B3GNT3: variants seen among roughly 807,000 people sequenced by gnomAD.
B3GNT3 encodes UDP-GlcNAc:betaGal beta-1,3-N-acetylglucosaminyltransferase 3, also known as N-acetyllactosaminide beta-1,3-N-acetylglucosaminyltransferase 3.
A neutral mutation model predicts 11.6 loss-of-function variants in B3GNT3; 7 were observed. That is an observed-to-expected ratio of 0.60 (90% confidence interval 0.34 to 1.13). B3GNT3 has a LOEUF of 1.13. B3GNT3 is among the 50% of genes most tolerant of loss of function. The probability of loss-of-function intolerance (pLI) is 0.03; values close to 1 mark genes in which losing one functional copy is unlikely to be tolerated. For synonymous variants in B3GNT3, 201 were observed against 222.1 expected (o/e 0.90, Z 0.85); for missense variants, 400 against 507.4 (o/e 0.79, Z 2.03).
intron 1 of B3GNT3, among the ~76,000 whole-genome samples, chr19:17,799,505 T>C (rs948251780): frequency 1.6e-4 from 25 of 151,964 alleles, no homozygotes; most frequent in Non-Finnish European, 2.9e-4. Context: ...CCTGACCTCA[T>C]GATTCGCCCG....
At chr19:17,805,651 T>G (rs560800874) in intron 1 of B3GNT3, among the ~76,000 whole-genome samples, 1 of 152,234 alleles carries the variant, frequency 6.6e-6, no homozygotes, top group South Asian at 2.1e-4. Flanking sequence ...TTGCACATGC[T>G]CCACTCTGTC....
At chr19:17,795,479 G>T (rs2094158486) in intron 1 of B3GNT3, among the ~76,000 whole-genome samples, 1 of 152,218 alleles carries the variant, frequency 6.6e-6, no homozygotes, top group Admixed American at 6.5e-5. Context: ...TCCCAGATTG[G>T]GCGGGATCAG....
At chr19:17,799,681 C>T (rs962040464) in intron 1 of B3GNT3, among the ~76,000 whole-genome samples, 22 of 152,156 alleles carry the variant, frequency 1.4e-4, no homozygotes, top group African/African-American at 5.1e-4. Flanking sequence ...CAACGGCTGT[C>T]GGGGGTCCCC....
At chr19:17,803,302 G>A (rs1472720926) in intron 1 of B3GNT3, among the ~76,000 whole-genome samples, 8 of 152,280 alleles carry the variant, frequency 5.3e-5, no homozygotes, top group East Asian at 3.9e-4. Flanking sequence ...CACAGCTCCC[G>A]GCCATGTTTA....
chr19:17,804,240 CTTTTTTTTTTT>C, intron 1 of B3GNT3, among the ~76,000 whole-genome samples: 1 of 112,188 alleles, frequency 8.9e-6, no homozygotes, highest in South Asian at 2.8e-4. Context: ...TCTTTTTTTT[CTTTTTTTTTTT>C]TTTTTTGAGA....
chr19:17,806,615 C>T (rs547436349), intron 1 of B3GNT3, among the ~76,000 whole-genome samples: 12 of 152,130 alleles, frequency 7.9e-5, no homozygotes, highest in Admixed American at 7.2e-4. Context: ...TCCCAGTGAC[C>T]CCGAGTTGAG....
At chr19:17,796,965 G>T (rs2094160184) in intron 1 of B3GNT3, among the ~76,000 whole-genome samples, 2 of 152,148 alleles carry the variant, frequency 1.3e-5, no homozygotes, top group South Asian at 4.1e-4. Context: ...AATCTGGCTT[G>T]CCTTGATTGC....
At chr19:17,801,897 G>T (rs953054606) in intron 1 of B3GNT3, among the ~76,000 whole-genome samples, 1 of 152,154 alleles carries the variant, frequency 6.6e-6, no homozygotes, top group African/African-American at 2.4e-5. Context: ...AGACTAGCCT[G>T]CCCAACATGG....
At position 17,807,967 on chromosome 19, in the gene B3GNT3, AC is replaced by A. The variant is rs773940153; in HGVS notation, c.163del (p.Arg55AlafsTer58). On this transcript the variant is annotated frameshift_variant, in exon 2 of 3. Coordinates refer to ENST00000318683, the MANE Select transcript of B3GNT3 (RefSeq NM_014256.4). LOFTEE classifies it high-confidence loss of function. Reference sequence around the variant, plus strand: ...GGCCCTGGCCTGGCCCACTCCACCCACCCGCCCAGCCCCGGCCCCGTGCCAT... The same window carrying A: ...GGCCCTGGCCTGGCCCACTCCACCCACCGCCCAGCCCCGGCCCCGTGCCAT... ...PEALAWPTPP[T>X]RPAPAPCHAN... 1.4e-6 allele frequency: 1 copy of A among 737,834 alleles called. No individual in the cohort carries two copies. Among genetic ancestry groups the A allele is most frequent in the Admixed American group, 3.4e-5 (1 of 29,526 alleles). 45.7% of individuals were successfully genotyped at this position (737,834 alleles called of 1,614,324 possible).
Position 17,807,922 on chromosome 19 carries a change from C to G in B3GNT3, c.115C>G (p.Gln39Glu), listed in dbSNP as rs1415654940. Reference protein sequence around the residue: ...VSPPTCKVQEQPPAIPEALAW... With the variant: ...VSPPTCKVQEEPPAIPEALAW... ...ACCACCCACCTGCAAGGTCCAGGAG[C>G]AGCCACCGGCGATCCCCGAGGCCCT... is the stretch of plus-strand genomic sequence containing the variant. The change falls in exon 2 of 3, where the codon CAG becomes GAG. Residue 39 changes from glutamine to glutamate, a missense_variant. By Grantham distance (29) the Gln-to-Glu change is conservative. Transcript: ENST00000318683. The G allele has an allele frequency of 6.2e-7, 1 of 1,613,494 alleles. No individual in the cohort carries two copies. Among genetic ancestry groups the G allele is most frequent in the Non-Finnish European group, 8.5e-7 (1 of 1,179,940 alleles).
rs1213437485 is a variant in B3GNT3, at chr19:17,811,553, T to C, written c.568-18T>C. ...CTCCAGCCCTCAAGCAAGCATGCCCTGTCCACCCTGCCTGCAGGTCCTGTT... is the reference window on the plus strand; with the variant it reads ...CTCCAGCCCTCAAGCAAGCATGCCCCGTCCACCCTGCCTGCAGGTCCTGTT... On this transcript the variant is annotated intron_variant, in intron 2 of 2. Coordinates refer to ENST00000318683, the MANE Select transcript of B3GNT3 (RefSeq NM_014256.4). The surrounding 1 kb of genome is among the most constrained non-coding windows in gnomAD (Gnocchi z 4.1). 1.3e-6 allele frequency: 2 copies of C among 1,598,408 alleles called. No individual in the cohort carries two copies. The highest frequency in any genetic ancestry group is 1.7e-6 in the Non-Finnish European group (2 of 1,170,976).
chr19:17,812,803 C>T lies in B3GNT3; in HGVS notation c.*681C>T, dbSNP rs1378276309. 6.6e-6 allele frequency: 1 copy of T among 152,370 alleles called. No individual in the cohort carries two copies. The highest frequency in any genetic ancestry group is 1.5e-5 in the Non-Finnish European group (1 of 68,200). 9.4% of individuals were successfully genotyped at this position (152,370 alleles called of 1,614,324 possible). A position where few individuals can be genotyped will look rare whatever the true frequency, so the allele number is the denominator to read the frequency against. ...GGGTCCTCATTAGGAGCCCCCATCCCTGTGTTCCCCAAGAATTCAGAGAAC... is the reference window on the plus strand; with the variant it reads ...GGGTCCTCATTAGGAGCCCCCATCCTTGTGTTCCCCAAGAATTCAGAGAAC... On this transcript the variant is annotated 3_prime_UTR_variant, in exon 3 of 3. Transcript: ENST00000318683.
chr19:17,807,987 G>A lies in B3GNT3; in HGVS notation c.180G>A (p.Pro60=), dbSNP rs200510528. The A allele has an allele frequency of 1.5e-4, 59 of 403,522 alleles. No individual in the cohort carries two copies. In the Middle Eastern group the frequency reaches 1.8e-3, roughly 12 times the overall value. The allele number at this position is 403,522 out of a possible 1,614,324, so 25.0% of individuals were successfully genotyped here. The part of the protein sequence containing the change: ...PTPPTRPAPA[P]CHANTSMVTH... Reference sequence around the variant, plus strand: ...CACCCACCCGCCCAGCCCCGGCCCCGTGCCATGCCAACACCTCTATGGTCA... The same window carrying A: ...CACCCACCCGCCCAGCCCCGGCCCCATGCCATGCCAACACCTCTATGGTCA... The change falls in exon 2 of 3, where the codon CCG becomes CCA. Residue 60 remains proline (P), a synonymous_variant. Transcript: ENST00000318683.
intron 1 of B3GNT3, among the ~76,000 whole-genome samples, chr19:17,804,223 C>T (rs1371949416): frequency 1.5e-4 from 22 of 143,038 alleles, no homozygotes; most frequent in African/African-American, 2.6e-4. Context: ...TTTTTCTTTT[C>T]TTTCTTTCTT....
intron 2 of B3GNT3, among the ~76,000 whole-genome samples, chr19:17,808,850 AT>A (rs200364904): frequency 3.7e-4 from 55 of 150,662 alleles, no homozygotes; most frequent in African/African-American, 1.1e-3. Context: ...ATGTTTATTT[AT>A]TTTTTTTTAA....
intron 2 of B3GNT3, among the ~76,000 whole-genome samples, chr19:17,809,365 A>G (rs2094177727): frequency 6.6e-6 from 1 of 151,974 alleles, no homozygotes. Context: ...CTTGAGCCCA[A>G]GAGTTTGAGG....
intron 1 of B3GNT3, 166 bp from the exon 2 acceptor site, chr19:17,807,592 T>C (rs887508437): frequency 6.1e-6 from 3 of 495,852 alleles, no homozygotes; most frequent in Non-Finnish European, 1.1e-5. Flanking sequence ...CCAACAGGGG[T>C]TGGAGTGCTT....
intron 2 of B3GNT3, among the ~76,000 whole-genome samples, chr19:17,810,121 C>A (rs2094178724): frequency 6.6e-6 from 1 of 152,180 alleles, no homozygotes; most frequent in Admixed American, 6.5e-5. Context: ...AGATACCCAG[C>A]CTGTGTAGGT....
At chr19:17,795,492 C>G (rs1268880569) in intron 1 of B3GNT3, among the ~76,000 whole-genome samples, 5 of 152,208 alleles carry the variant, frequency 3.3e-5, no homozygotes, top group African/African-American at 2.4e-5. Context: ...GGGATCAGAC[C>G]CCCGAGGCGG....
Sources: allele counts gnomAD v4.1 joint callset (sites outside exome capture counted in the v4.1 genomes callset), GRCh38; gene constraint gnomAD v4.1.1; non-coding constraint Gnocchi (gnomAD v3.1); transcripts MANE v1.5; gene names NCBI Gene and HGNC (gene_info 2026-07-23, HGNC 2026-07-21).